CORO7: variants seen among roughly 807,000 people sequenced by gnomAD.
CORO7 encodes coronin 7.
In CORO7, 107 loss-of-function variants were observed where a neutral mutation model predicts 126.6. That is an observed-to-expected ratio of 0.85 (90% CI 0.72 to 0.99). CORO7 has a LOEUF of 0.99. CORO7 is among the 50% of genes least tolerant of loss of function. The pLI is 0.00. For missense variants in CORO7, 1,314 were observed against 1,255.8 expected (o/e 1.05, Z -0.70); for synonymous variants, 603 against 536.8 (o/e 1.12, Z -1.70).
rs1303270739 is a variant in CORO7, at chr16:4,362,219, A to G, written c.1403-59T>C. 1.3e-6 allele frequency: 2 copies of G among 1,547,988 alleles called. No individual in the cohort carries two copies. Among genetic ancestry groups the G allele is most frequent in the African/African-American group, 1.4e-5 (1 of 72,828 alleles). On this transcript the variant is annotated intron_variant, in intron 15 of 27. Transcript: ENST00000251166. This position sits in a 1 kb window ranked among gnomAD's most constrained non-coding sequence, Gnocchi z 5.3. ...AGGATGCCGTCCCCGCCCGCCCTGCACTCTTTGAGTCCCGGCTGCCCACTC... is the reference window on the plus strand; with the variant it reads ...AGGATGCCGTCCCCGCCCGCCCTGCGCTCTTTGAGTCCCGGCTGCCCACTC...
In CORO7 at chr16:4,382,508, C is replaced by T. The variant is rs543565855; in HGVS notation, c.785+5478G>A. 22 of 1,592,458 alleles carry T rather than the reference C, an allele frequency of 1.4e-5. No individual in the cohort carries two copies. In the South Asian group the frequency reaches 1.9e-4, roughly 14 times the overall value. On this transcript the variant is annotated intron_variant, in intron 9 of 27. Coordinates refer to ENST00000251166, the MANE Select transcript of CORO7 (RefSeq NM_024535.5). ...ATGCCTTTGGGGCCCGGGCGGGTGC[C>T]GGAGGGCGAGGAGGCCTGCGGGGAG...
At chr16:4,365,649 G>T (rs868740594) in intron 9 of CORO7, 104 bp from the exon 10 acceptor site, 4 of 1,452,560 alleles carry the variant, frequency 2.8e-6, no homozygotes, top group Admixed American at 2.1e-5. Flanking sequence ...ACTGGGAGCC[G>T]CTTGGCCATC....
chr16:4,361,453 C>A lies in CORO7; in HGVS notation c.1595G>T (p.Arg532Leu), dbSNP rs755060334. The A allele has an allele frequency of 1.9e-6, 3 of 1,611,936 alleles. No individual in the cohort carries two copies. Among genetic ancestry groups the A allele is most frequent in the Non-Finnish European group, 2.5e-6 (3 of 1,179,786 alleles). Residue 532 changes from arginine to leucine, a missense_variant, in exon 17 of 28, where the codon CGC becomes CTC. By Grantham distance (102) the Arg-to-Leu change is moderately radical. Coordinates refer to ENST00000251166, the MANE Select transcript of CORO7 (RefSeq NM_024535.5). ...CGTGGGCAGTGCCGTGTCGGGCAGGCGGCCAGGCTTCCGTAGCTGTGGGAG... is the reference window on the plus strand; with the variant it reads ...CGTGGGCAGTGCCGTGTCGGGCAGGAGGCCAGGCTTCCGTAGCTGTGGGAG... ...VAVLELRKPGRLPDTALPTLQ... is the reference protein window; with the variant it reads ...VAVLELRKPGLLPDTALPTLQ...
Position 4,387,979 on chromosome 16 carries a change from C to G in CORO7, c.785+7G>C, listed in dbSNP as rs1449589600. The stretch of plus-strand genomic sequence containing the variant: ...CCCCCAGCCCACCTGCGTGCCGCAG[C>G]TCCTACCCAAGCGAGGTGTCCAAGG... On this transcript the variant is annotated splice_region_variant and intron_variant, in intron 9 of 27. Transcript: ENST00000251166. The G allele has an allele frequency of 6.2e-7, 1 of 1,612,842 alleles. No homozygotes were observed. Among genetic ancestry groups the G allele is most frequent in the Non-Finnish European group, 8.5e-7 (1 of 1,179,810 alleles).
chr16:4,356,924 A>C, intron 26 of CORO7: 2 of 574,884 alleles, frequency 3.5e-6, no homozygotes, highest in Non-Finnish European at 6.2e-6. Context: ...ACTTGGGCCC[A>C]GAACTGCCGG....
intron 21 of CORO7, 104 bp from the exon 22 acceptor site, chr16:4,359,725 G>A (rs1047379976): frequency 5.9e-5 from 84 of 1,422,534 alleles, no homozygotes; most frequent in Non-Finnish European, 7.4e-5. Context: ...GGTTGTAGGC[G>A]AGGCCTAGTG....
chr16:4,401,090 G>A (rs2055785792), intron 6 of CORO7, among the ~76,000 whole-genome samples: 1 of 152,190 alleles, frequency 6.6e-6, no homozygotes, highest in Admixed American at 6.5e-5. Context: ...CTACTACCAA[G>A]TTCCAGGCTA....
At chr16:4,396,492 T>C (rs907647811) in intron 6 of CORO7, among the ~76,000 whole-genome samples, 9 of 152,256 alleles carry the variant, frequency 5.9e-5, no homozygotes, top group African/African-American at 2.2e-4. Flanking sequence ...TGTTTGTTTT[T>C]ATTGATACCC....
Position 4,362,932 on chromosome 16 carries a change from C to A in CORO7, c.1276-194G>T, listed in dbSNP as rs932448663. 3.5e-6 allele frequency: 2 copies of A among 577,758 alleles called. No homozygotes were observed. Among genetic ancestry groups the A allele is most frequent in the Non-Finnish European group, 5.1e-6 (2 of 390,244 alleles). 35.8% of individuals were successfully genotyped at this position (577,758 alleles called of 1,614,324 possible). A position where few individuals can be genotyped will look rare whatever the true frequency, so the allele number is the denominator to read the frequency against. On this transcript the variant is annotated intron_variant, in intron 14 of 27. Coordinates refer to ENST00000251166, the MANE Select transcript of CORO7 (RefSeq NM_024535.5). This position sits in a 1 kb window ranked among gnomAD's most constrained non-coding sequence, Gnocchi z 5.3. ...ACAGGGAAGCAGCCGAGCTTCAGAC[C>A]GCGGGGACAGCAAGTGGCAGCTGCT...
At chr16:4,356,102 C>T (rs922331196) in intron 26 of CORO7, among the ~76,000 whole-genome samples, 43 of 152,190 alleles carry the variant, frequency 2.8e-4, no homozygotes, top group African/African-American at 7.5e-4. Context: ...TACAGGTATG[C>T]GCCACCATGC....
chr16:4,411,387 T>C (rs978498383), intron 3 of CORO7, among the ~76,000 whole-genome samples: 1 of 151,800 alleles, frequency 6.6e-6, no homozygotes, highest in Admixed American at 6.6e-5. Flanking sequence ...AGCAAGACCC[T>C]GTCACAAAAA....
At chr16:4,404,513 T>G (rs917023614) in intron 6 of CORO7, among the ~76,000 whole-genome samples, 1 of 152,192 alleles carries the variant, frequency 6.6e-6, no homozygotes. Flanking sequence ...AGCCGGATTC[T>G]GCTCAGAGCC....
At chr16:4,399,978 C>T (rs906673571) in intron 6 of CORO7, among the ~76,000 whole-genome samples, 3 of 152,262 alleles carry the variant, frequency 2.0e-5, no homozygotes, top group African/African-American at 7.2e-5. Context: ...CCATATAATT[C>T]CAACTATATG....
intron 3 of CORO7, among the ~76,000 whole-genome samples, chr16:4,410,643 G>A (rs547192988): frequency 1.3e-5 from 2 of 152,180 alleles, no homozygotes; most frequent in Admixed American, 6.5e-5. Flanking sequence ...AACATGCTAC[G>A]TGAAAGATGC....
intron 6 of CORO7, among the ~76,000 whole-genome samples, chr16:4,396,790 T>C (rs1264622767): frequency 2.0e-5 from 3 of 151,164 alleles, no homozygotes; most frequent in African/African-American, 7.3e-5. Flanking sequence ...CTGAGGTGGG[T>C]GGATCACCTG....
chr16:4,373,026 G>C (rs2054589635), intron 9 of CORO7, among the ~76,000 whole-genome samples: 1 of 152,158 alleles, frequency 6.6e-6, no homozygotes, highest in Admixed American at 6.5e-5. Context: ...TGAGGGCATA[G>C]AGGGGTGGCC....
At chr16:4,374,205 T>C (rs1229259127) in intron 9 of CORO7, among the ~76,000 whole-genome samples, 1 of 149,324 alleles carries the variant, frequency 6.7e-6, no homozygotes, top group Non-Finnish European at 1.5e-5. Flanking sequence ...GTGGGGGTGT[T>C]TGGGGGAGCC....
chr16:4,379,760 A>T (rs1020033554), intron 9 of CORO7, among the ~76,000 whole-genome samples: 1 of 151,776 alleles, frequency 6.6e-6, no homozygotes, highest in African/African-American at 2.4e-5. Flanking sequence ...ACAGTAGACG[A>T]AGCCGGGCAC....
At chr16:4,400,929 C>G (rs774226456) in intron 6 of CORO7, among the ~76,000 whole-genome samples, 1 of 151,956 alleles carries the variant, frequency 6.6e-6, no homozygotes, top group Non-Finnish European at 1.5e-5. Context: ...ATGGAAAATC[C>G]TTATACAACT....
Sources: allele counts gnomAD v4.1 joint callset (sites outside exome capture counted in the v4.1 genomes callset), GRCh38; gene constraint gnomAD v4.1.1; non-coding constraint Gnocchi (gnomAD v3.1); transcripts MANE v1.5; gene names NCBI Gene and HGNC (gene_info 2026-07-23, HGNC 2026-07-21).